The following BMPR1B variants were observed in gnomAD, a reference collection of about 807,000 sequenced individuals.
BMPR1B encodes the protein bone morphogenetic protein receptor type 1B.
A neutral mutation model predicts 59.1 loss-of-function variants in BMPR1B; 12 were observed. The ratio of observed to expected loss-of-function variants is 0.20; its 90% CI spans 0.13 to 0.33. The LOEUF (loss-of-function observed/expected upper bound fraction) is 0.33, where lower values mean the gene tolerates loss of function less well. Ranked by LOEUF, BMPR1B falls within the 10% of genes least tolerant of loss-of-function variation. The pLI, the probability that BMPR1B is intolerant of heterozygous loss-of-function variation, is 1.00. For synonymous variants in BMPR1B, 237 were observed against 207.3 expected (o/e 1.14, Z -1.23); for missense variants, 550 against 610.9 (o/e 0.90, Z 1.05).
chr4:95,020,651 C>A (rs1433804389), intron 3 of BMPR1B, among the ~76,000 whole-genome samples: 1 of 151,556 alleles, frequency 6.6e-6, no homozygotes, highest in African/African-American at 2.4e-5. Context: ...GAAACTTGCC[C>A]TACGTAAATG....
intron 2 of BMPR1B, among the ~76,000 whole-genome samples, chr4:94,984,574 C>G (rs1180946580): frequency 5.9e-5 from 9 of 152,082 alleles, no homozygotes; most frequent in Admixed American, 5.9e-4. Context: ...ATAATTTTAC[C>G]TAATAGCTAG....
chr4:94,873,063 A>T (rs1578746187), intron 1 of BMPR1B, among the ~76,000 whole-genome samples: 1 of 147,850 alleles, frequency 6.8e-6, no homozygotes, highest in Non-Finnish European at 1.5e-5. Flanking sequence ...AATCTATATG[A>T]TTTTTTTTTT....
Position 94,832,110 on chromosome 4 carries a change from A to G in BMPR1B, c.-182-43721A>G, listed in dbSNP as rs117124939. 5.1e-4 allele frequency among the ~76,000 whole-genome samples: 77 copies of G among 149,642 alleles called. 2 individuals carry two copies. The East Asian group carries it at 0.014, about 28-fold the overall frequency. ...AATGTAATACACTTGAATCATCCCC[A>G]AACCATCCCCCTACACTCCCACCCT... On this transcript the variant is annotated intron_variant, in intron 1 of 12. Coordinates refer to ENST00000515059, the MANE Select transcript of BMPR1B (RefSeq NM_001203.3).
intron 3 of BMPR1B, among the ~76,000 whole-genome samples, chr4:95,079,629 GA>G (rs1728970931): frequency 6.6e-6 from 1 of 151,828 alleles, no homozygotes. Flanking sequence ...AAGAAAAACT[GA>G]CTTGTGTTTG....
chr4:95,006,134 G>A (rs1722809912), intron 3 of BMPR1B, among the ~76,000 whole-genome samples: 1 of 151,948 alleles, frequency 6.6e-6, no homozygotes, highest in African/African-American at 2.4e-5. Context: ...ATCTGGGCGT[G>A]GTGGTAGGCG....
Position 95,125,112 on chromosome 4 carries a change from C to G in BMPR1B, c.576C>G (p.Leu192=). 6.2e-7 allele frequency: 1 copy of G among 1,613,712 alleles called. No individual in the cohort carries two copies. Among genetic ancestry groups the G allele is most frequent in the Non-Finnish European group, 8.5e-7 (1 of 1,179,766 alleles). The part of the protein sequence containing the change: ...QSQSSGSGSG[L]PLLVQRTIAK... ...AGAGCTCAGGAAGTGGATCAGGCCTCCCTCTGCTGGTATGAGAAGAACACA... is the reference window on the plus strand; with the variant it reads ...AGAGCTCAGGAAGTGGATCAGGCCTGCCTCTGCTGGTATGAGAAGAACACA... The change falls in exon 8 of 13, where the codon CTC becomes CTG. Residue 192 remains leucine, a synonymous_variant. Coordinates refer to ENST00000515059, the MANE Select transcript of BMPR1B (RefSeq NM_001203.3).
intron 10 of BMPR1B, among the ~76,000 whole-genome samples, chr4:95,135,491 T>G (rs1733704795): frequency 1.3e-5 from 2 of 152,346 alleles, no homozygotes; most frequent in South Asian, 2.1e-4. Flanking sequence ...TTCCTATCCA[T>G]GAGCATGGAA....
At chr4:95,044,873 G>T (rs13146146) in intron 3 of BMPR1B, among the ~76,000 whole-genome samples, 13 of 151,690 alleles carry the variant, frequency 8.6e-5, no homozygotes, top group Middle Eastern at 6.9e-3. Context: ...TCTATTGTTA[G>T]TTTTTTTTTC....
At chr4:94,786,585 C>T (rs1328189046) in intron 1 of BMPR1B, among the ~76,000 whole-genome samples, 1 of 152,150 alleles carries the variant, frequency 6.6e-6, no homozygotes, top group Non-Finnish European at 1.5e-5. Flanking sequence ...GTTGCCCAGG[C>T]TGGAATGCAG....
chr4:95,066,846 G>A (rs529002947), intron 3 of BMPR1B, among the ~76,000 whole-genome samples: 1 of 152,230 alleles, frequency 6.6e-6, no homozygotes, highest in African/African-American at 2.4e-5. Flanking sequence ...AGAACCACTG[G>A]ACTAAATTAT....
chr4:94,922,578 G>A (rs1169724681), intron 2 of BMPR1B, among the ~76,000 whole-genome samples: 1 of 152,060 alleles, frequency 6.6e-6, no homozygotes, highest in Non-Finnish European at 1.5e-5. Context: ...AAAGCATGCG[G>A]GAACCTTTGA....
At chr4:94,815,279 A>G (rs1290885186) in intron 1 of BMPR1B, among the ~76,000 whole-genome samples, 1 of 152,178 alleles carries the variant, frequency 6.6e-6, no homozygotes, top group Non-Finnish European at 1.5e-5. Flanking sequence ...ATGTTGCAAT[A>G]TAGTTGTAAT....
At chr4:95,097,914 A>AT (rs1730548274) in intron 3 of BMPR1B, among the ~76,000 whole-genome samples, 1 of 152,118 alleles carries the variant, frequency 6.6e-6, no homozygotes, top group Non-Finnish European at 1.5e-5. Context: ...ATTACATTTA[A>AT]TTTTTTTAAT....
chr4:95,007,254 C>A (rs2149118128), intron 3 of BMPR1B, among the ~76,000 whole-genome samples: 1 of 152,218 alleles, frequency 6.6e-6, no homozygotes, highest in African/African-American at 2.4e-5. Context: ...CTCTAATAGA[C>A]TTTTTCATTA....
intron 3 of BMPR1B, among the ~76,000 whole-genome samples, chr4:95,065,226 G>A (rs1233983468): frequency 6.6e-6 from 1 of 152,158 alleles, no homozygotes; most frequent in Admixed American, 6.5e-5. Flanking sequence ...ACTATGCTAA[G>A]TGAAAGAAAC....
chr4:94,773,318 T>G (rs1448626280), intron 1 of BMPR1B, among the ~76,000 whole-genome samples: 1 of 152,096 alleles, frequency 6.6e-6, no homozygotes, highest in Non-Finnish European at 1.5e-5. Flanking sequence ...CTGTTTCATC[T>G]TTGTATCTTT....
At position 94,816,911 on chromosome 4, in the gene BMPR1B, A is replaced by T. The variant is rs144465324; in HGVS notation, c.-183+58843A>T. On this transcript the variant is annotated intron_variant, in intron 1 of 12. Coordinates refer to ENST00000515059, the MANE Select transcript of BMPR1B (RefSeq NM_001203.3). ...GGTCTGAATGTGGCCCCCAAAATTC[A>T]TGTGTTCAAACTCAATTAATGTGAT... Among the ~76,000 whole-genome samples, 9 of 152,290 alleles carry T rather than the reference A, an allele frequency of 5.9e-5. No homozygotes were observed. In the East Asian group the frequency reaches 1.7e-3, roughly 29 times the overall value.
intron 10 of BMPR1B, among the ~76,000 whole-genome samples, chr4:95,144,923 G>A (rs922220541): frequency 9.9e-5 from 15 of 151,986 alleles, no homozygotes; most frequent in African/African-American, 2.7e-4. Flanking sequence ...TGTTCTTCCC[G>A]TCCTTATGCC....
rs141210826 is a variant in BMPR1B, at chr4:95,060,569, A to C, written c.-17-43839A>C. 4.6e-3 allele frequency among the ~76,000 whole-genome samples: 704 copies of C among 152,252 alleles called. 4 individuals carry two copies. Among genetic ancestry groups the C allele is most frequent in the African/African-American group, 0.016 (658 of 41,554 alleles). ...AGAGTGAAATGAAGTAGGAGTCCCA[A>C]ATTTCCCGTCTCTTCCTCAGATACA... On this transcript the variant is annotated intron_variant, in intron 3 of 12. Transcript: ENST00000515059.
Sources: gnomAD v4.1 joint callset for allele counts (sites outside exome capture counted in the v4.1 genomes callset) on GRCh38, gnomAD v4.1.1 for gene constraint, MANE v1.5 for transcripts, NCBI Gene and HGNC (gene_info 2026-07-23, HGNC 2026-07-21) for gene names.